MYH1: variants seen among roughly 807,000 people sequenced by gnomAD.
MYH1 encodes myosin-1.
MYH1 carries 214 observed loss-of-function variants against 225.6 expected under a neutral mutation model. That is an observed-to-expected ratio of 0.95 (90% CI 0.85 to 1.06). MYH1 has a LOEUF of 1.06. Ranked by LOEUF, MYH1 falls within the 50% of genes least tolerant of loss-of-function variation. The probability of loss-of-function intolerance (pLI) is 0.00; values close to 1 mark genes in which losing one functional copy is unlikely to be tolerated. For missense variants in MYH1, 2,098 were observed against 2,344.2 expected (o/e 0.89, Z 2.17); for synonymous variants, 774 against 842.3 (o/e 0.92, Z 1.40).
intron 9 of MYH1, among the ~76,000 whole-genome samples, chr17:10,513,214 A>G (rs1207611897): frequency 6.6e-6 from 1 of 152,210 alleles, no homozygotes; most frequent in South Asian, 2.1e-4. Flanking sequence ...CATTTGGAAT[A>G]TAATTGAGTC....
In MYH1 at chr17:10,502,834, C is replaced by T. The variant is rs1177928073; in HGVS notation, c.3015G>A (p.Glu1005=). 1 of 1,613,898 alleles carries T rather than the reference C, an allele frequency of 6.2e-7. No homozygotes were observed. Among genetic ancestry groups the T allele is most frequent in the African/African-American group, 1.3e-5 (1 of 74,836 alleles). ...KLTKEKKALQ[E]AHQQTLDDLQ... The stretch of plus-strand genomic sequence containing the variant: ...GGTCATCCAGGGTCTGCTGGTGGGC[C>T]TCCTGGAGAGCCTTCTTCTCCTTGG... Residue 1005 remains glutamate (E), a synonymous_variant, in exon 24 of 40, where the codon GAG becomes GAA. Coordinates refer to ENST00000226207, the MANE Select transcript of MYH1 (RefSeq NM_005963.4).
Position 10,508,462 on chromosome 17 carries a change from T to C in MYH1, c.1798A>G (p.Asn600Asp). Residue 600 changes from asparagine (N) to aspartate (D), a missense_variant, in exon 16 of 40, where the codon AAC (asparagine) becomes GAC (aspartate). By Grantham distance (23) the Asn-to-Asp change is conservative. Transcript: ENST00000226207. ...DYNIAGWLDK[N>D]KDPLNETVVG... ...ACAGTCTCATTCAGGGGGTCCTTGT[T>C]CTTGTCAAGCCAGCCGGCAATGTTG... is the stretch of plus-strand genomic sequence containing the variant. The C allele has an allele frequency of 6.8e-6, 11 of 1,614,208 alleles. No homozygotes were observed. Among genetic ancestry groups the C allele is most frequent in the Non-Finnish European group, 7.6e-6 (9 of 1,180,036 alleles).
rs374886364 is a variant in MYH1, at chr17:10,495,162, T to A, written c.5295+30A>T. ...TAAGACAGCACATTAAGATTTAAGT[T>A]TGACCACCACTGTGTTACCCTTCAC... On this transcript the variant is annotated intron_variant, in intron 36 of 39. Transcript: ENST00000226207. 4 of 1,614,098 alleles carry A rather than the reference T, an allele frequency of 2.5e-6. No homozygotes were observed. In the African/African-American group the frequency reaches 5.3e-5, roughly 22 times the overall value.
chr17:10,505,299 C>G lies in MYH1; in HGVS notation c.2299G>C (p.Val767Leu), dbSNP rs752137123. Residue 767 changes from valine (V) to leucine (L), a missense_variant and splice_region_variant, in exon 21 of 40, where the codon GTC (valine) becomes CTC (leucine). By Grantham distance (32) the Val-to-Leu change is conservative. Transcript: ENST00000226207. ...HTQYKFGHTK[V>L]FFKAGLLGLL... The stretch of plus-strand genomic sequence containing the variant: ...CCCAGAAGACCAGCTTTGAAAAAGA[C>G]CTATGTGTGGGAAGAATTTCAGATC... 2 of 1,613,978 alleles carry G rather than the reference C, an allele frequency of 1.2e-6. No homozygotes were observed. Among genetic ancestry groups the G allele is most frequent in the Non-Finnish European group, 1.7e-6 (2 of 1,180,040 alleles).
chr17:10,503,483 ATATGTTGGTATAT>A, intron 22 of MYH1, among the ~76,000 whole-genome samples: 1 of 152,304 alleles, frequency 6.6e-6, no homozygotes, highest in Non-Finnish European at 1.5e-5. Context: ...AACATATATA[ATATGTTGGTATAT>A]AATTTCGGGT....
At position 10,506,553 on chromosome 17, in the gene MYH1, C is replaced by T. The variant is rs185528712; in HGVS notation, c.1969-454G>A. 6.2e-3 allele frequency among the ~76,000 whole-genome samples: 935 copies of T among 151,406 alleles called. 34 individuals carry two copies. Among genetic ancestry groups the T allele is most frequent in the Admixed American group, 0.054 (825 of 15,202 alleles). The stretch of plus-strand genomic sequence containing the variant: ...TGTTGCCCAGGCTGGAGTACAGTGG[C>T]GCAATCTTGGCTCACGGTAACCTCT... On this transcript the variant is annotated intron_variant, in intron 17 of 39. Transcript: ENST00000226207.
At position 10,505,882 on chromosome 17, in the gene MYH1, C is replaced by A; in HGVS notation, c.2104G>T (p.Val702Leu). ...LVLHQLRCNGVLEGIRICRKG... is the reference protein window; with the variant it reads ...LVLHQLRCNGLLEGIRICRKG... ...CTGCAGATGCGGATGCCTTCCAGCA[C>A]ACCGTTACACCTCAGCTGATGCAGG... The change falls in exon 19 of 40, where the codon GTG (valine) becomes TTG (leucine). Residue 702 changes from valine to leucine, a missense_variant. Coordinates refer to ENST00000226207, the MANE Select transcript of MYH1 (RefSeq NM_005963.4). 1 of 1,614,158 alleles carries A rather than the reference C, an allele frequency of 6.2e-7. No individual in the cohort carries two copies. The highest frequency in any genetic ancestry group is 8.5e-7 in the Non-Finnish European group (1 of 1,179,992).
Position 10,513,666 on chromosome 17 carries a change from G to A in MYH1, c.765C>T (p.Phe255=), listed in dbSNP as rs565550881. 7.6e-5 allele frequency: 122 copies of A among 1,614,088 alleles called. No individual in the cohort carries two copies. The highest frequency in any genetic ancestry group is 1.2e-4 in the Admixed American group (7 of 60,018). The change falls in exon 9 of 40, where the codon TTC becomes TTT. Residue 255 remains phenylalanine (F), a synonymous_variant. Transcript: ENST00000226207. ...CAGAAGCCAGTTTCCCTGTGGTACC[G>A]AAGTGGATCCTGATGAATTTACCCT... is the stretch of plus-strand genomic sequence containing the variant. ...SRFGKFIRIH[F]GTTGKLASAD...
At chr17:10,514,794 T>A in intron 6 of MYH1, 74 bp downstream of exon 6, 1 of 1,366,890 alleles carries the variant, frequency 7.3e-7, no homozygotes, top group East Asian at 2.3e-5. Context: ...GAACATTAAC[T>A]AATTTCTTTT....
In MYH1 at chr17:10,505,267, T is replaced by C. The variant is rs1310917559; in HGVS notation, c.2331A>G (p.Leu777=). 4.3e-6 allele frequency: 7 copies of C among 1,614,020 alleles called. No individual in the cohort carries two copies. Among genetic ancestry groups the C allele is most frequent in the Non-Finnish European group, 5.1e-6 (6 of 1,180,034 alleles). ...VFFKAGLLGL[L]EEMRDEKLAQ... is the part of the protein sequence containing the mutation. ...CCAGCTTCTCATCTCGCATCTCCTC[T>C]AGGAGCCCCAGAAGACCAGCTTTGA... The change falls in exon 21 of 40, where the codon CTA becomes CTG. Residue 777 remains leucine, a synonymous_variant. Coordinates refer to ENST00000226207, the MANE Select transcript of MYH1 (RefSeq NM_005963.4).
chr17:10,516,249 G>T lies in MYH1; in HGVS notation c.298C>A (p.Pro100Thr), dbSNP rs201260086. The T allele has an allele frequency of 1.8e-5, 29 of 1,614,190 alleles. No homozygotes were observed. Among genetic ancestry groups the T allele is most frequent in the Admixed American group, 3.3e-5 (2 of 60,032 alleles). ...TCTTTGAGGTTGTACAGCACAGCAGGCTCGTGTAGATGAGTCATCATGGCC... is the reference window on the plus strand; with the variant it reads ...TCTTTGAGGTTGTACAGCACAGCAGTCTCGTGTAGATGAGTCATCATGGCC... The part of the protein sequence containing the change: ...DMAMMTHLHE[P>T]AVLYNLKERY... Residue 100 changes from proline (P) to threonine (T), a missense_variant, in exon 4 of 40, where the codon CCT becomes ACT. Physicochemically the swap from Pro to Thr is conservative, Grantham distance 38. Coordinates refer to ENST00000226207, the MANE Select transcript of MYH1 (RefSeq NM_005963.4).
At chr17:10,494,113 T>C (rs929598109) in intron 39 of MYH1, among the ~76,000 whole-genome samples, 7 of 152,168 alleles carry the variant, frequency 4.6e-5, no homozygotes, top group Non-Finnish European at 1.0e-4. Flanking sequence ...TCCTCCTTTT[T>C]TTGTCTGCTT....
At chr17:10,504,075 A>T (rs2073084403) in intron 22 of MYH1, among the ~76,000 whole-genome samples, 1 of 152,190 alleles carries the variant, frequency 6.6e-6, no homozygotes, top group Non-Finnish European at 1.5e-5. Context: ...TCCCTTTCTG[A>T]ATTCAGAGAA....
chr17:10,507,834 G>C (rs759436995), intron 17 of MYH1, 52 bp downstream of exon 17: 4 of 1,480,632 alleles, frequency 2.7e-6, no homozygotes, highest in Non-Finnish European at 3.8e-6. Flanking sequence ...CCACACCATA[G>C]AGTACATTTA....
In MYH1 at chr17:10,512,938, A is replaced by G. The variant is rs1285703178; in HGVS notation, c.833T>C (p.Phe278Ser). Residue 278 changes from phenylalanine (F) to serine (S), a missense_variant, in exon 10 of 40, where the codon TTC becomes TCC. By Grantham distance (155) the Phe-to-Ser change is radical (BLOSUM62 -2). Transcript: ENST00000226207. Reference sequence around the variant, plus strand: ...ATAGCTTCTTTCAGCCTTTAGCTGGAAAGTAACTCTAGACTTCTCCAGAAG... The same window carrying G: ...ATAGCTTCTTTCAGCCTTTAGCTGGGAAGTAACTCTAGACTTCTCCAGAAG... ...TYLLEKSRVT[F>S]QLKAERSYHI... 1 of 1,613,428 alleles carries G rather than the reference A, an allele frequency of 6.2e-7. No homozygotes were observed. The highest frequency in any genetic ancestry group is 1.3e-5 in the African/African-American group (1 of 74,894).
At chr17:10,492,846 G>GTTTTT (rs61147841) in intron 39 of MYH1, among the ~76,000 whole-genome samples, 1 of 146,484 alleles carries the variant, frequency 6.8e-6, no homozygotes. Flanking sequence ...GTCCAGCTTT[G>GTTTTT]TTTTTTTTTT....
At chr17:10,493,997 C>A (rs375243316) in intron 39 of MYH1, among the ~76,000 whole-genome samples, 12 of 152,302 alleles carry the variant, frequency 7.9e-5, no homozygotes, top group South Asian at 4.1e-4. Context: ...GACTGACCCA[C>A]ATTAAAACCC....
At chr17:10,508,327 T>C in intron 16 of MYH1, 36 bp downstream of exon 16, 2 of 1,553,326 alleles carry the variant, frequency 1.3e-6, no homozygotes, top group Non-Finnish European at 1.7e-6. Context: ...TTATGTTTTA[T>C]ACATTAGGTA....
At chr17:10,499,271 G>C (rs985159885) in intron 28 of MYH1, among the ~76,000 whole-genome samples, 179 bp from the exon 29 acceptor site, 6 of 152,116 alleles carry the variant, frequency 3.9e-5, no homozygotes, top group African/African-American at 1.4e-4. Flanking sequence ...TAGAAGCATG[G>C]AGAAATTTGA....
Sources: gnomAD v4.1 joint callset for allele counts (sites outside exome capture counted in the v4.1 genomes callset) on GRCh38, gnomAD v4.1.1 for gene constraint, MANE v1.5 for transcripts, NCBI Gene and HGNC (gene_info 2026-07-23, HGNC 2026-07-21) for gene names.